The following LSAMP variants were observed in gnomAD, a reference collection of about 807,000 sequenced individuals.
LSAMP encodes the protein limbic system associated membrane protein, also known as limbic system-associated membrane protein.
In LSAMP, 7 loss-of-function variants were observed where a neutral mutation model predicts 38.6. That is an observed-to-expected ratio of 0.18 (90% CI 0.10 to 0.34). The LOEUF (loss-of-function observed/expected upper bound fraction) is 0.34. LSAMP is among the 10% of genes least tolerant of loss of function. The pLI is 1.00. For synonymous variants in LSAMP, 154 were observed against 166.8 expected (o/e 0.92, Z 0.59); for missense variants, 313 against 420.0 (o/e 0.75, Z 2.23).
chr3:116,128,786 T>C (rs1189086505), intron 1 of LSAMP, among the ~76,000 whole-genome samples: 1 of 152,118 alleles, frequency 6.6e-6, no homozygotes, highest in Non-Finnish European at 1.5e-5. Context: ...GATTAAGAAG[T>C]AGAATAAGAA....
intron 2 of LSAMP, among the ~76,000 whole-genome samples, chr3:116,053,354 T>C (rs1941430580): frequency 6.6e-6 from 1 of 152,202 alleles, no homozygotes; most frequent in South Asian, 2.1e-4. Context: ...TTTCCTGCCC[T>C]CAGTGTTCTT....
intron 3 of LSAMP, among the ~76,000 whole-genome samples, chr3:115,892,518 C>T (rs186315250): frequency 5.9e-5 from 9 of 152,022 alleles, no homozygotes; most frequent in Admixed American, 5.9e-4. Context: ...CCACTTATGT[C>T]AAGTACAAAA....
At chr3:116,255,805 A>T (rs1269018126) in intron 1 of LSAMP, among the ~76,000 whole-genome samples, 1 of 152,212 alleles carries the variant, frequency 6.6e-6, no homozygotes. Flanking sequence ...AGGAGGAAAA[A>T]AATGTATGCT....
chr3:116,162,161 A>G (rs1247145009), intron 1 of LSAMP, among the ~76,000 whole-genome samples: 1 of 152,196 alleles, frequency 6.6e-6, no homozygotes, highest in East Asian at 1.9e-4. Flanking sequence ...AGTCTATAAT[A>G]AATTACTGCT....
chr3:116,211,001 T>TAA (rs1297381889), intron 1 of LSAMP, among the ~76,000 whole-genome samples: 2 of 145,402 alleles, frequency 1.4e-5, no homozygotes, highest in African/African-American at 2.5e-5. Flanking sequence ...TACTCAACCT[T>TAA]AAAAAAAAAA....
intron 1 of LSAMP, among the ~76,000 whole-genome samples, chr3:116,104,171 A>G (rs1352046447): frequency 1.3e-5 from 2 of 152,242 alleles, no homozygotes; most frequent in East Asian, 1.9e-4. Flanking sequence ...CATAATTTCA[A>G]AACCTTTCTG....
At chr3:116,023,790 T>C (rs1438266710) in intron 2 of LSAMP, among the ~76,000 whole-genome samples, 1 of 152,148 alleles carries the variant, frequency 6.6e-6, no homozygotes, top group East Asian at 1.9e-4. Context: ...GTTTAATAGG[T>C]CATTCATGAT....
intron 6 of LSAMP, among the ~76,000 whole-genome samples, chr3:115,831,504 A>G (rs1449754397): frequency 6.6e-6 from 1 of 152,138 alleles, no homozygotes; most frequent in East Asian, 1.9e-4. Flanking sequence ...TCAATGTGAG[A>G]ATGTCTCTGG....
At chr3:115,838,886 C>A (rs1240050309) in intron 6 of LSAMP, among the ~76,000 whole-genome samples, 1 of 152,104 alleles carries the variant, frequency 6.6e-6, no homozygotes, top group Non-Finnish European at 1.5e-5. Context: ...GCTGACACAC[C>A]AATGAAGATG....
intron 1 of LSAMP, among the ~76,000 whole-genome samples, chr3:116,096,067 T>A (rs1708219923): frequency 6.6e-6 from 1 of 152,194 alleles, no homozygotes; most frequent in Admixed American, 6.5e-5. Context: ...GATCATAGTA[T>A]CTACCTTGTT....
intron 1 of LSAMP, among the ~76,000 whole-genome samples, chr3:116,347,163 T>C (rs2048074236): frequency 6.6e-6 from 1 of 152,164 alleles, no homozygotes; most frequent in South Asian, 2.1e-4. Context: ...TGCTGATACT[T>C]TTATACTTAA....
chr3:116,074,929 C>T (rs1553701507), intron 2 of LSAMP, among the ~76,000 whole-genome samples: 3 of 149,162 alleles, frequency 2.0e-5, no homozygotes, highest in Non-Finnish European at 3.0e-5. Context: ...CCGCAACCTC[C>T]GCCACCCGGG....
chr3:116,334,738 A>C (rs907596937), intron 1 of LSAMP, among the ~76,000 whole-genome samples: 1 of 152,092 alleles, frequency 6.6e-6, no homozygotes, highest in African/African-American at 2.4e-5. Context: ...ACTAGAAACT[A>C]TATCCACATA....
intron 2 of LSAMP, among the ~76,000 whole-genome samples, chr3:116,069,548 C>T (rs1707549364): frequency 7.3e-6 from 1 of 137,104 alleles, no homozygotes; most frequent in African/African-American, 2.7e-5. Flanking sequence ...TGAGAGATAC[C>T]ACTTTCCTCA....
rs914318875 is a variant in LSAMP at position 116,373,450 on chromosome 3, GA to G, written c.155+71426del. Among the ~76,000 whole-genome samples the G allele has an allele frequency of 7.9e-5, 12 of 151,698 alleles. No homozygotes were observed. The East Asian group carries it at 2.3e-3, about 29-fold the overall frequency. ...GAAGAAGGAATGGGGAGTTATTTTC[GA>G]ATGGGTATAGGGCTTAGTTTTAGAA... On this transcript the variant is annotated intron_variant, in intron 1 of 6. Coordinates refer to ENST00000490035, the MANE Select transcript of LSAMP (RefSeq NM_002338.5).
intron 3 of LSAMP, among the ~76,000 whole-genome samples, chr3:115,999,421 C>T (rs139525032): frequency 1.3e-5 from 2 of 152,298 alleles, no homozygotes; most frequent in African/African-American, 4.8e-5. Flanking sequence ...CACAAAATAG[C>T]TACTGTCCTT....
chr3:116,297,509 G>A (rs1405290867), intron 1 of LSAMP, among the ~76,000 whole-genome samples: 1 of 152,024 alleles, frequency 6.6e-6, no homozygotes, highest in Non-Finnish European at 1.5e-5. Context: ...ATTTTTTCTT[G>A]TACAGGTGAT....
chr3:115,813,529 C>T (rs979362775), intron 6 of LSAMP, among the ~76,000 whole-genome samples: 1 of 152,022 alleles, frequency 6.6e-6, no homozygotes, highest in Non-Finnish European at 1.5e-5. Context: ...TTATTTTGTG[C>T]ATCAGTTAAA....
intron 1 of LSAMP, among the ~76,000 whole-genome samples, chr3:116,221,563 T>C (rs1351356061): frequency 2.0e-5 from 3 of 152,202 alleles, no homozygotes; most frequent in Non-Finnish European, 4.4e-5. Context: ...TTTGTGTACA[T>C]GCCTGTGTGT....
Sources: allele counts gnomAD v4.1 joint callset (sites outside exome capture counted in the v4.1 genomes callset), GRCh38; gene constraint gnomAD v4.1.1; transcripts MANE v1.5; gene names NCBI Gene and HGNC (gene_info 2026-07-23, HGNC 2026-07-21).